The following EXT2 variants were observed in gnomAD, a reference collection of about 807,000 sequenced individuals.
EXT2 encodes exostosin-2.
EXT2 carries 53 observed loss-of-function variants against 81.6 expected under a neutral mutation model. The ratio of observed to expected loss-of-function variants is 0.65; its 90% CI spans 0.52 to 0.82. EXT2 has a LOEUF of 0.82. EXT2 is among the 40% of genes least tolerant of loss of function. The probability of loss-of-function intolerance (pLI) is 0.00; values close to 1 mark genes in which losing one functional copy is unlikely to be tolerated. For synonymous variants in EXT2, 320 were observed against 340.0 expected (o/e 0.94, Z 0.65); for missense variants, 774 against 910.2 (o/e 0.85, Z 1.93).
chr11:44,096,339 G>A, intron 1 of EXT2: 3 of 1,534,560 alleles, frequency 2.0e-6, no homozygotes, highest in Non-Finnish European at 2.6e-6. Flanking sequence ...AGGGGCCAGG[G>A]GCATGTTATG....
intron 9 of EXT2, 82 bp from the exon 10 acceptor site, chr11:44,206,711 C>G: frequency 6.9e-7 from 1 of 1,454,446 alleles, no homozygotes; most frequent in Non-Finnish European, 9.6e-7. Context: ...ATTCTCCCAT[C>G]TCATTTGTGA....
intron 8 of EXT2, among the ~76,000 whole-genome samples, chr11:44,177,668 AG>A: frequency 6.6e-6 from 1 of 152,232 alleles, no homozygotes; most frequent in East Asian, 1.9e-4. Flanking sequence ...GTGATTTAAA[AG>A]ATTATACTGC....
At chr11:44,168,131 A>T (rs1162657186) in intron 7 of EXT2, among the ~76,000 whole-genome samples, 1 of 152,078 alleles carries the variant, frequency 6.6e-6, no homozygotes, top group East Asian at 1.9e-4. Flanking sequence ...TTCAACAAAG[A>T]TATGAAATCT....
At chr11:44,144,187 C>A in intron 7 of EXT2, 3 of 1,448,968 alleles carry the variant, frequency 2.1e-6, no homozygotes, top group Non-Finnish European at 1.9e-6. Context: ...CCAAGTTGTG[C>A]TCTTATTTAT....
chr11:44,115,355 G>A (rs1334606816), intron 4 of EXT2, among the ~76,000 whole-genome samples: 1 of 152,036 alleles, frequency 6.6e-6, no homozygotes, highest in Non-Finnish European at 1.5e-5. Context: ...GCATCCAGCT[G>A]TTTTTTTAAA....
chr11:44,195,232 C>T (rs1382464369), intron 8 of EXT2, among the ~76,000 whole-genome samples: 6 of 151,924 alleles, frequency 3.9e-5, no homozygotes, highest in East Asian at 1.9e-4. Flanking sequence ...GTCGGGAGTT[C>T]GAGACCAATC....
intron 10 of EXT2, among the ~76,000 whole-genome samples, chr11:44,216,114 G>A (rs558103240): frequency 4.0e-5 from 6 of 151,780 alleles, no homozygotes; most frequent in Admixed American, 3.9e-4. Flanking sequence ...CTGACCTCAT[G>A]ATCCACCCGC....
intron 10 of EXT2, among the ~76,000 whole-genome samples, chr11:44,227,719 G>A (rs900985400): frequency 6.6e-6 from 1 of 152,200 alleles, no homozygotes; most frequent in Admixed American, 6.5e-5. Context: ...GGCCAAGTAA[G>A]CATAGCTGAG....
intron 11 of EXT2, 40 bp downstream of exon 11, chr11:44,232,536 G>A (rs1955912126): frequency 1.2e-6 from 2 of 1,611,460 alleles, no homozygotes; most frequent in South Asian, 1.1e-5. Context: ...AAAACTGAGA[G>A]AATGATACAC....
intron 1 of EXT2, among the ~76,000 whole-genome samples, chr11:44,101,270 C>T (rs1474084295): frequency 1.3e-5 from 2 of 152,194 alleles, no homozygotes; most frequent in Non-Finnish European, 2.9e-5. Context: ...TGGTATGCGG[C>T]TGGGCAGGCT....
chr11:44,128,585 C>A (rs999075451), intron 6 of EXT2, among the ~76,000 whole-genome samples: 1 of 152,022 alleles, frequency 6.6e-6, no homozygotes, highest in African/African-American at 2.4e-5. Context: ...GGATGGGATG[C>A]CAGGAGGAGG....
chr11:44,104,145 A>C (rs1954022644), intron 1 of EXT2, among the ~76,000 whole-genome samples: 1 of 152,074 alleles, frequency 6.6e-6, no homozygotes, highest in African/African-American at 2.4e-5. Context: ...TCATACATAG[A>C]AGCTATTTTT....
At chr11:44,097,486 C>T (rs1337246967) in intron 1 of EXT2, among the ~76,000 whole-genome samples, 1 of 152,056 alleles carries the variant, frequency 6.6e-6, no homozygotes, top group Non-Finnish European at 1.5e-5. Flanking sequence ...CTGTAAGGCC[C>T]TTTCTAAAAA....
At chr11:44,224,605 C>T (rs181583816) in intron 10 of EXT2, among the ~76,000 whole-genome samples, 1 of 152,088 alleles carries the variant, frequency 6.6e-6, no homozygotes, top group Admixed American at 6.5e-5. Context: ...ATATAGGGCA[C>T]TAGGATGAAA....
rs771231004 is a variant in EXT2 at position 44,125,019 on chromosome 11, G to A, written c.939+35G>A. 32 of 1,602,250 alleles carry A rather than the reference G, an allele frequency of 2.0e-5. 1 individual carries two copies. The Admixed American group carries it at 5.2e-4, about 26-fold the overall frequency. On this transcript the variant is annotated intron_variant, in intron 5 of 13. Coordinates refer to ENST00000533608, the MANE Select transcript of EXT2 (RefSeq NM_207122.2). ...ATTCATTACCTCTCGCAAAGGCTCA[G>A]GAGAGTTTGCTTACATGGGTTAAAA...
At chr11:44,104,291 T>C (rs1954024747) in intron 1 of EXT2, among the ~76,000 whole-genome samples, 4 of 152,202 alleles carry the variant, frequency 2.6e-5, no homozygotes, top group Admixed American at 2.0e-4. Flanking sequence ...CACTGTGTAC[T>C]CACAGTACAT....
intron 10 of EXT2, among the ~76,000 whole-genome samples, chr11:44,215,985 T>C (rs530030095): frequency 6.6e-6 from 1 of 151,670 alleles, no homozygotes; most frequent in East Asian, 2.0e-4. Flanking sequence ...CACGCCATTC[T>C]CCTGCCTCAA....
At chr11:44,197,105 T>C (rs1955464382) in intron 8 of EXT2, among the ~76,000 whole-genome samples, 1 of 152,194 alleles carries the variant, frequency 6.6e-6, no homozygotes, top group Admixed American at 6.5e-5. Context: ...CTCTCCTCTG[T>C]GCCTGTATTT....
At chr11:44,193,866 A>G (rs1450655076) in intron 8 of EXT2, among the ~76,000 whole-genome samples, 2 of 152,152 alleles carry the variant, frequency 1.3e-5, no homozygotes, top group African/African-American at 4.8e-5. Flanking sequence ...GAAAAACAAC[A>G]TTAAGAAAAG....
Sources: gnomAD v4.1 joint callset for allele counts (sites outside exome capture counted in the v4.1 genomes callset) on GRCh38, gnomAD v4.1.1 for gene constraint, MANE v1.5 for transcripts, NCBI Gene and HGNC (gene_info 2026-07-23, HGNC 2026-07-21) for gene names.